Variants in CXCL13 observed in about 807,000 individuals in gnomAD.
CXCL13 encodes the protein C-X-C motif chemokine ligand 13.
Under a neutral mutation model 12.2 loss-of-function variants are expected in CXCL13, and 7 were observed. The observed-to-expected ratio is 0.57, with a 90% CI of 0.33 to 1.07. The LOEUF is 1.07. Ranked by LOEUF, CXCL13 falls within the 50% of genes least tolerant of loss-of-function variation. CXCL13 has a pLI of 0.04. For missense variants in CXCL13, 113 were observed against 127.4 expected (o/e 0.89, Z 0.55); for synonymous variants, 47 against 42.4 (o/e 1.11, Z -0.42).
rs536206515 is a variant in CXCL13 at position 77,596,084 on chromosome 4, C to A, written c.-42-9740C>A. On this transcript the variant is annotated intron_variant, in intron 1 of 4. Transcript: ENST00000286758. ...ACTTTTTGCAAACAAAACAAAGTCC[C>A]TTTTCATATTACTGAGGCAGATAGA... 3.9e-5 allele frequency among the ~76,000 whole-genome samples: 6 copies of A among 152,320 alleles called. No homozygotes were observed. In the South Asian group the frequency reaches 1.2e-3, roughly 32 times the overall value.
intron 1 of CXCL13, among the ~76,000 whole-genome samples, chr4:77,532,849 G>A (rs1031986910): frequency 7.2e-5 from 11 of 152,148 alleles, no homozygotes; most frequent in Admixed American, 7.2e-4. Context: ...GGCTACTGAG[G>A]CTTGTGTATT....
At chr4:77,586,415 T>C (rs1726460601) in intron 1 of CXCL13, among the ~76,000 whole-genome samples, 1 of 152,218 alleles carries the variant, frequency 6.6e-6, no homozygotes, top group Non-Finnish European at 1.5e-5. Context: ...AAGTTTGCTA[T>C]ATCTCCGGTC....
chr4:77,537,907 A>G (rs1046023256), intron 1 of CXCL13, among the ~76,000 whole-genome samples: 2 of 152,190 alleles, frequency 1.3e-5, no homozygotes, highest in Non-Finnish European at 2.9e-5. Flanking sequence ...AGTGAGCTTC[A>G]GTCCTGAAGC....
At chr4:77,607,885 A>G in intron 2 of CXCL13, 50 bp downstream of exon 2, 2 of 1,566,332 alleles carry the variant, frequency 1.3e-6, no homozygotes, top group Admixed American at 3.4e-5. Context: ...CAATGAAATC[A>G]GATCAAATGT....
At position 77,549,187 on chromosome 4, in the gene CXCL13, C is replaced by G. The variant is rs563254871; in HGVS notation, c.-43+37399C>G. ...CTCGTGCCACGGTTTTCAGCTCCGT[C>G]AGGTCATTTAAGGTCTTCTCTATGC... On this transcript the variant is annotated intron_variant, in intron 1 of 4. Coordinates refer to the CXCL13 transcript ENST00000286758. Among the ~76,000 whole-genome samples, 208 of 152,340 alleles carry G rather than the reference C, an allele frequency of 1.4e-3. 9 individuals carry two copies. The South Asian group carries it at 0.04, about 30-fold the overall frequency.
chr4:77,515,268 T>G (rs1012020055), intron 1 of CXCL13, among the ~76,000 whole-genome samples: 3 of 152,204 alleles, frequency 2.0e-5, no homozygotes, highest in Non-Finnish European at 4.4e-5. Context: ...TCTTTTGGCT[T>G]AGGATTGACA....
chr4:77,522,801 G>A (rs1165145293), intron 1 of CXCL13, among the ~76,000 whole-genome samples: 2 of 151,842 alleles, frequency 1.3e-5, no homozygotes, highest in Non-Finnish European at 2.9e-5. Context: ...TTTCTTCATA[G>A]CATCGATGGT....
intron 1 of CXCL13, among the ~76,000 whole-genome samples, chr4:77,531,130 T>TATC (rs914183245): frequency 6.2e-5 from 9 of 144,988 alleles, no homozygotes; most frequent in Admixed American, 2.1e-4. Flanking sequence ...TTATTATTAT[T>TATC]ATCATTATTA....
At chr4:77,516,354 A>G (rs930935540) in intron 1 of CXCL13, among the ~76,000 whole-genome samples, 2 of 152,030 alleles carry the variant, frequency 1.3e-5, no homozygotes, top group Admixed American at 1.3e-4. Context: ...CTCTTTTTCT[A>G]TTGATTGGAA....
chr4:77,561,725 G>GGCAGCCCTT (rs1300196569), intron 1 of CXCL13, among the ~76,000 whole-genome samples: 1 of 152,218 alleles, frequency 6.6e-6, no homozygotes, highest in Non-Finnish European at 1.5e-5. Flanking sequence ...ATGGTGTGCT[G>GGCAGCCCTT]GCAGCCCTTG....
rs537591721 is a variant in CXCL13 at position 77,545,604 on chromosome 4, T to C, written c.-43+33816T>C. ...AGTTTTGCACATTGATTTTGTATCC[T>C]GAGACTTTGCTGAAGTTGCTTATCA... On this transcript the variant is annotated intron_variant, in intron 1 of 4. Transcript: ENST00000286758. Among the ~76,000 whole-genome samples the C allele has an allele frequency of 2.0e-5, 3 of 152,342 alleles. No homozygotes were observed. In the East Asian group the frequency reaches 5.8e-4, roughly 29 times the overall value.
intron 1 of CXCL13, among the ~76,000 whole-genome samples, chr4:77,582,835 G>T (rs567052635): frequency 6.6e-6 from 1 of 152,202 alleles, no homozygotes; most frequent in Non-Finnish European, 1.5e-5. Context: ...AAGAGTTGGT[G>T]GTTGTTACCA....
At chr4:77,582,023 A>G (rs1440986816) in intron 1 of CXCL13, among the ~76,000 whole-genome samples, 1 of 152,142 alleles carries the variant, frequency 6.6e-6, no homozygotes, top group Non-Finnish European at 1.5e-5. Flanking sequence ...ACTTTCCTCA[A>G]TGCTTTGCCT....
intron 1 of CXCL13, among the ~76,000 whole-genome samples, chr4:77,530,624 C>T (rs1219611355): frequency 6.6e-6 from 1 of 152,054 alleles, no homozygotes; most frequent in Non-Finnish European, 1.5e-5. Flanking sequence ...GGTGATATCC[C>T]CTTTAACATT....
At position 77,520,146 on chromosome 4, in the gene CXCL13, C is replaced by T. The variant is rs1257491965; in HGVS notation, c.-43+8358C>T. ...TGTAGTATAGTTTGAGGTCAGGTAG[C>T]GTGATGCCTCCAGCTTCATTCTTTT... On this transcript the variant is annotated intron_variant, in intron 1 of 4. Transcript: ENST00000286758. Among the ~76,000 whole-genome samples, 9 of 152,218 alleles carry T rather than the reference C, an allele frequency of 5.9e-5. No individual in the cohort carries two copies. The East Asian group carries it at 1.2e-3, about 20-fold the overall frequency.
At chr4:77,536,961 G>T (rs1055938726) in intron 1 of CXCL13, among the ~76,000 whole-genome samples, 1 of 152,138 alleles carries the variant, frequency 6.6e-6, no homozygotes, top group Non-Finnish European at 1.5e-5. Context: ...TATCTTTGAA[G>T]TAGGTCTATT....
At chr4:77,548,558 A>G (rs1455113725) in intron 1 of CXCL13, among the ~76,000 whole-genome samples, 2 of 152,328 alleles carry the variant, frequency 1.3e-5, no homozygotes, top group East Asian at 3.9e-4. Flanking sequence ...GTCATTTATA[A>G]TTAGTACATG....
At chr4:77,523,077 A>C (rs1488220497) in intron 1 of CXCL13, among the ~76,000 whole-genome samples, 2 of 152,286 alleles carry the variant, frequency 1.3e-5, no homozygotes, top group African/African-American at 2.4e-5. Context: ...CTGAGAGATC[A>C]ACTGTTAGTC....
At chr4:77,565,123 C>T (rs1244837053) in intron 1 of CXCL13, among the ~76,000 whole-genome samples, 1 of 152,214 alleles carries the variant, frequency 6.6e-6, no homozygotes, top group Non-Finnish European at 1.5e-5. Flanking sequence ...TGGAGGGGCT[C>T]AGGCTCCTGC....
Sources: allele counts gnomAD v4.1 joint callset (sites outside exome capture counted in the v4.1 genomes callset), GRCh38; gene constraint gnomAD v4.1.1; transcripts MANE v1.5; gene names NCBI Gene and HGNC (gene_info 2026-07-23, HGNC 2026-07-21).